Variants in FKBP1A observed in about 807,000 individuals in gnomAD.
The protein encoded by FKBP1A is FKBP prolyl isomerase 1A.
FKBP1A carries 5 observed loss-of-function variants against 14.2 expected under a neutral mutation model. The ratio of observed to expected loss-of-function variants is 0.35; its 90% CI spans 0.18 to 0.74. The LOEUF is 0.74. FKBP1A is among the 30% of genes least tolerant of loss of function. The pLI is 0.56. For missense variants in FKBP1A, 53 were observed against 138.8 expected, an observed-to-expected ratio of 0.38 and a Z score of 3.10; for synonymous variants, 42 against 49.1, an observed-to-expected ratio of 0.86 and a Z score of 0.60.
At chr20:1,372,322 T>G in intron 3 of FKBP1A, 82 bp from the exon 4 acceptor site, 1 of 1,480,518 alleles carries the variant, frequency 6.8e-7, no homozygotes, top group Non-Finnish European at 9.3e-7. Flanking sequence ...TTTACCTAGG[T>G]GTTCCTTGGC....
rs369976663 is a variant in FKBP1A, at chr20:1,369,631, C to T, written c.*478G>A. The T allele has an allele frequency of 5.9e-6, 1 of 169,670 alleles. No individual in the cohort carries two copies. Among genetic ancestry groups the T allele is most frequent in the Non-Finnish European group, 1.4e-5 (1 of 69,854 alleles). The allele number at this position is 169,670 out of a possible 1,614,324, so 10.5% of individuals were successfully genotyped here. On this transcript the variant is annotated 3_prime_UTR_variant, in exon 5 of 5. Transcript: ENST00000400137. The stretch of plus-strand genomic sequence containing the variant: ...TTCAGTCCTCAACAGCGCCTCAAAT[C>T]TGCTATGGCTTTGCAGCGCAGCAGC...
Position 1,375,581 on chromosome 20 carries a change from T to C in FKBP1A, c.108A>G (p.Lys36=). 6.2e-7 allele frequency: 1 copy of C among 1,613,766 alleles called. No homozygotes were observed. The highest frequency in any genetic ancestry group is 8.5e-7 in the Non-Finnish European group (1 of 1,179,748). The change falls in exon 3 of 5, where the codon AAA becomes AAG. Residue 36 remains lysine, a synonymous_variant. Transcript: ENST00000400137. ...HYTGMLEDGK[K]FDSSRDRNKP... ...TGTTTCTGTCCCGGGAGGAATCAAA[T>C]TTCTTTCCATCTTCAAGCATCCCTG...
chr20:1,385,635 A>C (rs1020978922), intron 2 of FKBP1A, among the ~76,000 whole-genome samples: 3 of 152,072 alleles, frequency 2.0e-5, no homozygotes, highest in African/African-American at 7.2e-5. Context: ...TCAGGAGATA[A>C]AACTCTTAAA....
At chr20:1,375,360 T>C in intron 3 of FKBP1A, 131 bp downstream of exon 3, 1 of 646,530 alleles carries the variant, frequency 1.5e-6, no homozygotes, top group South Asian at 1.9e-5. Context: ...GTGGGGGTAT[T>C]GGTCAGATGG....
Position 1,374,079 on chromosome 20 carries a change from G to T in FKBP1A, c.198+1412C>A, listed in dbSNP as rs186111777. Among the ~76,000 whole-genome samples, 37 of 152,336 alleles carry T rather than the reference G, an allele frequency of 2.4e-4. 1 individual carries two copies. The East Asian group carries it at 6.6e-3, about 27-fold the overall frequency. On this transcript the variant is annotated intron_variant, in intron 3 of 4. Transcript: ENST00000400137. ...CTGGAAAAGAGAGAGACAGAAATCT[G>T]TCTTTTCATCTTGGTTAAATTTCTA...
chr20:1,387,476 G>C (rs1446206896), intron 2 of FKBP1A, among the ~76,000 whole-genome samples: 2 of 152,136 alleles, frequency 1.3e-5, no homozygotes, highest in African/African-American at 4.8e-5. Flanking sequence ...AAAGCAAATA[G>C]AGGGGGAAAA....
chr20:1,392,942 C>G lies in FKBP1A; in HGVS notation c.37+20G>C, dbSNP rs1458787127. On this transcript the variant is annotated intron_variant, in intron 1 of 4. Coordinates refer to ENST00000400137, the MANE Select transcript of FKBP1A (RefSeq NM_000801.5). ...GCGCGGCGGCAGAGGTACTCCGAGC[C>G]GCCGCGCGCCACTACTCACCGTCTC... 2.0e-6 allele frequency: 3 copies of G among 1,479,630 alleles called. No homozygotes were observed. 91.7% of individuals were successfully genotyped at this position (1,479,630 alleles called of 1,614,324 possible). A position where few individuals can be genotyped will look rare whatever the true frequency, so the allele number is the denominator to read the frequency against.
intron 3 of FKBP1A, chr20:1,372,938 A>C (rs1206540260): frequency 6.6e-6 from 1 of 152,252 alleles, no homozygotes; most frequent in African/African-American, 2.4e-5. Flanking sequence ...GTATATTTTC[A>C]GTTTCAAATT....
In FKBP1A at chr20:1,379,169, G is replaced by A. The variant is rs903981682; in HGVS notation, c.86-3566C>T. Reference sequence around the variant, plus strand: ...AGATCGTATTTTGATTGCAGTGAAAGCCACAGGGTACTGAGACAGACTCCC... The same window carrying A: ...AGATCGTATTTTGATTGCAGTGAAAACCACAGGGTACTGAGACAGACTCCC... On this transcript the variant is annotated intron_variant, in intron 2 of 4. Coordinates refer to ENST00000400137, the MANE Select transcript of FKBP1A (RefSeq NM_000801.5). This position sits in a 1 kb window ranked among gnomAD's most constrained non-coding sequence, Gnocchi z 4.3. Among the ~76,000 whole-genome samples the A allele has an allele frequency of 6.6e-5, 10 of 152,284 alleles. No individual in the cohort carries two copies. The South Asian group carries it at 2.1e-3, about 32-fold the overall frequency.
chr20:1,388,001 A>AACAC (rs1568592407), intron 2 of FKBP1A, among the ~76,000 whole-genome samples: 1 of 152,048 alleles, frequency 6.6e-6, no homozygotes, highest in African/African-American at 2.4e-5. Flanking sequence ...GATGGTGTAA[A>AACAC]CACCACTAGG....
chr20:1,392,248 C>T (rs932797193), intron 2 of FKBP1A, among the ~76,000 whole-genome samples: 2 of 152,190 alleles, frequency 1.3e-5, no homozygotes, highest in South Asian at 2.1e-4. Flanking sequence ...TGCAGCTCTA[C>T]TTCCCCCAAG....
At chr20:1,391,568 A>C (rs769890765) in intron 2 of FKBP1A, 2 of 397,968 alleles carry the variant, frequency 5.0e-6, no homozygotes, top group Non-Finnish European at 8.9e-6. Flanking sequence ...AGGGCCACAG[A>C]AATAAAAGGG....
chr20:1,392,928 G>A (rs770370945), intron 1 of FKBP1A, 34 bp downstream of exon 1: 2 of 1,466,848 alleles, frequency 1.4e-6, no homozygotes, highest in South Asian at 1.3e-5. Context: ...CGCGGCGGCA[G>A]AGGTACTCCG....
chr20:1,390,114 G>A (rs185357460), intron 2 of FKBP1A, among the ~76,000 whole-genome samples: 3 of 152,124 alleles, frequency 2.0e-5, no homozygotes, highest in Non-Finnish European at 4.4e-5. Flanking sequence ...TGTGGTAAAG[G>A]TCAGTCTGTG....
chr20:1,392,857 T>A lies in FKBP1A; in HGVS notation c.62A>T (p.Gln21Leu). Reference sequence around the variant, plus strand: ...ACCGGTGTAGTGCACCACGCAGGTCTGGCCGCGCTTGGGGAAGGTGCGCCC... The same window carrying A: ...ACCGGTGTAGTGCACCACGCAGGTCAGGCCGCGCTTGGGGAAGGTGCGCCC... ...GDGRTFPKRG[Q>L]TCVVHYTGML... Residue 21 changes from glutamine to leucine, a missense_variant, in exon 2 of 5, where the codon CAG becomes CTG. By Grantham distance (113) the Gln-to-Leu change is moderately radical. This residue lies in a region of FKBP1A where 35 missense variants were observed against 118.1 expected (regional missense o/e 0.30). Coordinates refer to ENST00000400137, the MANE Select transcript of FKBP1A (RefSeq NM_000801.5). 5 of 1,431,796 alleles carry A rather than the reference T, an allele frequency of 3.5e-6. No individual in the cohort carries two copies. The highest frequency in any genetic ancestry group is 4.6e-6 in the Non-Finnish European group (5 of 1,076,132). The allele number at this position is 1,431,796 out of a possible 1,614,324, so 88.7% of individuals were successfully genotyped here. A position where few individuals can be genotyped will look rare whatever the true frequency, so the allele number is the denominator to read the frequency against.
chr20:1,392,758 C>A, intron 2 of FKBP1A, 76 bp downstream of exon 2: 1 of 1,181,178 alleles, frequency 8.5e-7, no homozygotes, highest in South Asian at 1.9e-5. Context: ...CCCCGGGCCC[C>A]CAGGCCTCGA....
At position 1,379,045 on chromosome 20, in the gene FKBP1A, G is replaced by A. The variant is rs538905524; in HGVS notation, c.86-3442C>T. Among the ~76,000 whole-genome samples the A allele has an allele frequency of 6.6e-6, 1 of 152,256 alleles. No individual in the cohort carries two copies. The highest frequency in any genetic ancestry group is 1.9e-4 in the East Asian group (1 of 5,190). ...TGACCCACTACATTTATTTCATGAT[G>A]CATTAATGGTTCATAACCCACAATT... On this transcript the variant is annotated intron_variant, in intron 2 of 4. Transcript: ENST00000400137. This position sits in a 1 kb window ranked among gnomAD's most constrained non-coding sequence, Gnocchi z 4.3.
chr20:1,385,572 A>G (rs918978999), intron 2 of FKBP1A, among the ~76,000 whole-genome samples: 4 of 152,022 alleles, frequency 2.6e-5, no homozygotes, highest in African/African-American at 9.7e-5. Flanking sequence ...AACCTGACAC[A>G]GCAGCCAGAC....
At chr20:1,375,307 G>C in intron 3 of FKBP1A, 184 bp downstream of exon 3, 1 of 610,792 alleles carries the variant, frequency 1.6e-6, no homozygotes, top group East Asian at 2.7e-5. Flanking sequence ...TTTTATATGT[G>C]CTTAAACCAC....
Sources: allele counts gnomAD v4.1 joint callset (sites outside exome capture counted in the v4.1 genomes callset), GRCh38; gene constraint gnomAD v4.1.1; regional missense constraint gnomAD v4.1.1; non-coding constraint Gnocchi (gnomAD v3.1); transcripts MANE v1.5; gene names NCBI Gene and HGNC (gene_info 2026-07-23, HGNC 2026-07-21).